The following KIF27 variants were observed in gnomAD, a reference collection of about 807,000 sequenced individuals.
KIF27 encodes the protein kinesin-like protein KIF27.
Under a neutral mutation model 141.8 loss-of-function variants are expected in KIF27, and 84 were observed. That is an observed-to-expected ratio of 0.59 (90% CI 0.50 to 0.71). KIF27 has a LOEUF of 0.71. KIF27 is among the 30% of genes least tolerant of loss of function. The pLI is 0.00. For synonymous variants in KIF27, 471 were observed against 569.5 expected (o/e 0.83, Z 2.46); for missense variants, 1,306 against 1,628.4 (o/e 0.80, Z 3.41).
intron 5 of KIF27, among the ~76,000 whole-genome samples, chr9:83,894,578 A>G (rs2132425965): frequency 6.6e-6 from 1 of 152,302 alleles, no homozygotes; most frequent in African/African-American, 2.4e-5. Flanking sequence ...GGGTGCCTTC[A>G]TGACCCACGC....
chr9:83,837,813 C>T (rs1946063314), intron 17 of KIF27: 1 of 188,260 alleles, frequency 5.3e-6, no homozygotes, highest in Admixed American at 5.8e-5. Flanking sequence ...CTCTGCTGTT[C>T]TTGCTACTAG....
intron 14 of KIF27, chr9:83,858,397 G>A (rs1019816308): frequency 1.3e-5 from 2 of 152,062 alleles, no homozygotes; most frequent in Non-Finnish European, 1.5e-5. Flanking sequence ...CCTTCTCTTA[G>A]CAATTTTCCC....
chr9:83,915,712 A>T, intron 1 of KIF27, 34 bp from the exon 2 acceptor site: 1 of 955,334 alleles, frequency 1.0e-6, no homozygotes, highest in Non-Finnish European at 1.5e-6. Flanking sequence ...AATTTTAATT[A>T]CTGATTCCTT....
chr9:83,876,644 A>G (rs1040499845), intron 11 of KIF27, among the ~76,000 whole-genome samples: 4 of 152,242 alleles, frequency 2.6e-5, no homozygotes, highest in African/African-American at 9.6e-5. Context: ...GGGAGGACTT[A>G]CTTCCCAATT....
rs1947593897 is a variant in KIF27, at chr9:83,848,070, GATATATGATATATC to G, written c.3556+2015_3556+2028del. ...ACATATATCTATATATCATATATAT[GATATATGATATATC>G]ATATATATGATATATATGATATCTC... On this transcript the variant is annotated intron_variant, in intron 16 of 17. Transcript: ENST00000297814. 1.4e-4 allele frequency among the ~76,000 whole-genome samples: 6 copies of G among 43,240 alleles called. 2 individuals carry two copies. The highest frequency in any genetic ancestry group is 1.0e-3 in the African/African-American group (6 of 5,992). The allele number at this position is 43,240 out of a possible 152,430, so 28.4% of individuals were successfully genotyped here. A position where few individuals can be genotyped will look rare whatever the true frequency, so the allele number is the denominator to read the frequency against.
At chr9:83,909,752 T>C (rs925549952) in intron 2 of KIF27, among the ~76,000 whole-genome samples, 8 of 151,842 alleles carry the variant, frequency 5.3e-5, no homozygotes, top group African/African-American at 9.7e-5. Context: ...GATAAAACTA[T>C]ATGGGGTGGC....
At chr9:83,848,114 C>CTGATATCTCATATA (rs1947662736) in intron 16 of KIF27, among the ~76,000 whole-genome samples, 1 of 31,874 alleles carries the variant, frequency 3.1e-5, no homozygotes, top group Admixed American at 2.4e-4. Flanking sequence ...TATCTCATAT[C>CTGATATCTCATATA]TGATATATCT....
chr9:83,903,974 C>G lies in KIF27; in HGVS notation c.544G>C (p.Val182Leu). Residue 182 changes from valine (V) to leucine (L), a missense_variant, in exon 4 of 18, where the codon GTG becomes CTG. Physicochemically the swap from Val to Leu is conservative, Grantham distance 32. Coordinates refer to ENST00000297814, the MANE Select transcript of KIF27 (RefSeq NM_017576.4). ...TTCCCCATCTCCAAAAGACTCATCA[C>G]TTCACCTGCACTCTCCACATGGCAT... ...KECHVESAGEVMSLLEMGNAA... is the reference protein window; with the variant it reads ...KECHVESAGELMSLLEMGNAA... 1 of 1,613,908 alleles carries G rather than the reference C, an allele frequency of 6.2e-7. No individual in the cohort carries two copies. The highest frequency in any genetic ancestry group is 8.5e-7 in the Non-Finnish European group (1 of 1,179,906).
In KIF27 at chr9:83,835,259, G is replaced by C. The variant is rs978755088; in HGVS notation, c.*1742C>G. ...AATGTGTATGTTTTACCTTTGGTTT[G>C]TATGATTTATATTTATATATAAATG... is the stretch of plus-strand genomic sequence containing the variant. On this transcript the variant is annotated 3_prime_UTR_variant, in exon 18 of 18. Coordinates refer to ENST00000297814, the MANE Select transcript of KIF27 (RefSeq NM_017576.4). Among the ~76,000 whole-genome samples the C allele has an allele frequency of 7.3e-5, 11 of 150,848 alleles. No individual in the cohort carries two copies. Among genetic ancestry groups the C allele is most frequent in the East Asian group, 1.9e-4 (1 of 5,186 alleles).
chr9:83,918,328 G>GA lies in KIF27; in HGVS notation c.-87-2651_-87-2650insT, dbSNP rs1021343141. The stretch of plus-strand genomic sequence containing the variant: ...GAAAGAGAGAACGAGAGAAATGGGG[G>GA]GGGGGCAGGACAGGGAGGGAGAGGA... On this transcript the variant is annotated intron_variant, in intron 1 of 17. Coordinates refer to ENST00000297814, the MANE Select transcript of KIF27 (RefSeq NM_017576.4). Among the ~76,000 whole-genome samples the GA allele has an allele frequency of 1.3e-3, 190 of 146,104 alleles. 9 individuals are homozygous for GA. The highest frequency in any genetic ancestry group is 4.6e-3 in the African/African-American group (181 of 39,330).
Position 83,834,427 on chromosome 9 carries a change from A to G in KIF27, c.*2574T>C, listed in dbSNP as rs1171434486. Among the ~76,000 whole-genome samples, 2 of 152,024 alleles carry G rather than the reference A, an allele frequency of 1.3e-5. No individual in the cohort carries two copies. Among genetic ancestry groups the G allele is most frequent in the Non-Finnish European group, 2.9e-5 (2 of 67,946 alleles). On this transcript the variant is annotated 3_prime_UTR_variant, in exon 18 of 18. Transcript: ENST00000297814. ...GCATGAAATGTCATATATATAAAGG[A>G]TATATGTTTAACCAAAAGGAAGAAA...
chr9:83,891,867 A>G (rs1952714685), intron 5 of KIF27, among the ~76,000 whole-genome samples: 1 of 152,226 alleles, frequency 6.6e-6, no homozygotes, highest in Non-Finnish European at 1.5e-5. Flanking sequence ...AGAAAGTTCA[A>G]AAAGTGGAGA....
At chr9:83,861,864 T>C (rs548971674) in intron 13 of KIF27, among the ~76,000 whole-genome samples, 101 of 147,048 alleles carry the variant, frequency 6.9e-4, no homozygotes, top group African/African-American at 2.3e-3. Context: ...TTTTAATGAT[T>C]GCCATTCTAA....
intron 1 of KIF27, among the ~76,000 whole-genome samples, chr9:83,919,738 T>C (rs1956068739): frequency 1.3e-5 from 2 of 149,268 alleles, no homozygotes. Flanking sequence ...CTACTAAAAA[T>C]ACAAAAATTA....
chr9:83,908,002 G>A (rs1358336171), intron 3 of KIF27, among the ~76,000 whole-genome samples: 4 of 152,238 alleles, frequency 2.6e-5, no homozygotes, highest in South Asian at 2.1e-4. Flanking sequence ...AGTGGCTCAC[G>A]CCTGTAATCC....
At chr9:83,860,883 ATTT>A (rs10648187) in intron 13 of KIF27, among the ~76,000 whole-genome samples, 1 of 142,924 alleles carries the variant, frequency 7.0e-6, no homozygotes, top group Non-Finnish European at 1.5e-5. Context: ...TTGATGGGAG[ATTT>A]TTTTTTTTTT....
intron 17 of KIF27, among the ~76,000 whole-genome samples, chr9:83,838,369 G>C (rs915372209): frequency 6.6e-6 from 1 of 152,154 alleles, no homozygotes; most frequent in Non-Finnish European, 1.5e-5. Context: ...TAGTAGCTGG[G>C]ACTACAGGCA....
intron 17 of KIF27, among the ~76,000 whole-genome samples, chr9:83,840,994 G>C (rs938942342): frequency 6.6e-6 from 1 of 152,082 alleles, no homozygotes; most frequent in African/African-American, 2.4e-5. Flanking sequence ...GCAGACCCCA[G>C]CCTATCCTGA....
At chr9:83,910,332 A>G (rs1955018135) in intron 2 of KIF27, among the ~76,000 whole-genome samples, 2 of 152,244 alleles carry the variant, frequency 1.3e-5, no homozygotes, top group South Asian at 4.1e-4. Context: ...ACCCTAGGTA[A>G]GACCAATCTA....
Sources: gnomAD v4.1 joint callset for allele counts (sites outside exome capture counted in the v4.1 genomes callset) on GRCh38, gnomAD v4.1.1 for gene constraint, MANE v1.5 for transcripts, NCBI Gene and HGNC (gene_info 2026-07-23, HGNC 2026-07-21) for gene names.